The following ERG variants were observed in gnomAD, a reference collection of about 807,000 sequenced individuals.
The protein encoded by ERG is transcriptional regulator ERG.
A neutral mutation model predicts 55.3 loss-of-function variants in ERG; 9 were observed. The ratio of observed to expected loss-of-function variants is 0.16; its 90% CI spans 0.10 to 0.28. ERG has a LOEUF of 0.28. Ranked by LOEUF, ERG falls within the 10% of genes least tolerant of loss-of-function variation. The probability of loss-of-function intolerance (pLI) is 1.00; values close to 1 mark genes in which losing one functional copy is unlikely to be tolerated. For missense variants in ERG, 434 were observed against 631.6 expected (o/e 0.69, Z 3.35); for synonymous variants, 223 against 237.3 (o/e 0.94, Z 0.55).
Position 38,383,900 on chromosome 21 carries a change from G to A in ERG, c.943C>T (p.Gln315Ter), listed in dbSNP as rs2146413060. 6.2e-7 allele frequency: 1 copy of A among 1,613,562 alleles called. No homozygotes were observed. The highest frequency in any genetic ancestry group is 8.5e-7 in the Non-Finnish European group (1 of 1,179,890). Residue 315 changes from glutamine to a stop codon, truncating the protein, a stop_gained, in exon 10 of 10, where the codon CAG becomes TAG. Coordinates refer to ENST00000288319, the MANE Select transcript of ERG (RefSeq NM_182918.4). LOFTEE classifies it high-confidence loss of function. The surrounding 1 kb of genome is among the most constrained non-coding windows in gnomAD (Gnocchi z 5.7). Reference sequence around the variant, plus strand: ...TCCGACAGGAGCTCCAGGAGGAACTGCCAAAGCTGGATCTGGCCACTGCCT... The same window carrying A: ...TCCGACAGGAGCTCCAGGAGGAACTACCAAAGCTGGATCTGGCCACTGCCT... ...NPGSGQIQLW[Q>*]FLLELLSDSS...
intron 6 of ERG, among the ~76,000 whole-genome samples, chr21:38,396,932 T>A (rs781389806): frequency 8.6e-5 from 13 of 151,900 alleles, no homozygotes; most frequent in Non-Finnish European, 1.6e-4. Flanking sequence ...TATATATATT[T>A]AAAAAATCAT....
chr21:38,464,366 A>G (rs1883473568), intron 1 of ERG, among the ~76,000 whole-genome samples: 1 of 152,186 alleles, frequency 6.6e-6, no homozygotes, highest in Admixed American at 6.5e-5. Flanking sequence ...TAGTACCCAG[A>G]GAGTAACAGC....
intron 1 of ERG, among the ~76,000 whole-genome samples, chr21:38,456,393 T>C (rs1020167470): frequency 6.6e-6 from 1 of 152,164 alleles, no homozygotes; most frequent in Non-Finnish European, 1.5e-5. Context: ...CATGGGAATA[T>C]GGCATCTGTT....
intron 1 of ERG, among the ~76,000 whole-genome samples, chr21:38,462,794 G>T (rs1326147637): frequency 2.0e-5 from 3 of 152,150 alleles, no homozygotes; most frequent in Admixed American, 1.3e-4. Flanking sequence ...GAAGCAGGCT[G>T]CCCATCATGA....
intron 1 of ERG, among the ~76,000 whole-genome samples, chr21:38,625,659 A>G (rs1395134800): frequency 1.3e-5 from 2 of 152,180 alleles, no homozygotes; most frequent in Non-Finnish European, 2.9e-5. Context: ...GCTTCCAGGA[A>G]GTCCCAAGCC....
chr21:38,429,653 A>G lies in ERG; in HGVS notation c.237-6092T>C, dbSNP rs910992764. Among the ~76,000 whole-genome samples, 2 of 149,850 alleles carry G rather than the reference A, an allele frequency of 1.3e-5. 1 individual carries two copies. Among genetic ancestry groups the G allele is most frequent in the Non-Finnish European group, 2.9e-5 (2 of 67,806 alleles). ...TGTATATATACATGTATACACATGT[A>G]CATATATACATATATGTGTATATAT... On this transcript the variant is annotated intron_variant, in intron 2 of 9. Transcript: ENST00000288319.
At chr21:38,551,755 C>G (rs2059825797) in intron 2 of ERG, among the ~76,000 whole-genome samples, 1 of 151,992 alleles carries the variant, frequency 6.6e-6, no homozygotes, top group Admixed American at 6.6e-5. Flanking sequence ...TGTTTTATAG[C>G]CAAGTGCGTA....
intron 1 of ERG, among the ~76,000 whole-genome samples, chr21:38,476,563 C>T (rs902086913): frequency 6.6e-6 from 1 of 152,104 alleles, no homozygotes; most frequent in Admixed American, 6.6e-5. Flanking sequence ...GAAGTCTTGT[C>T]GGAAATGAGA....
At chr21:38,630,891 T>C (rs966953835) in intron 1 of ERG, among the ~76,000 whole-genome samples, 8 of 152,154 alleles carry the variant, frequency 5.3e-5, no homozygotes, top group Non-Finnish European at 7.3e-5. Flanking sequence ...ATTCACCATA[T>C]ACCCTCAGGA....
rs764440592 is a variant in ERG at position 38,599,034 on chromosome 21, CA to C, written c.-149-14090del. Among the ~76,000 whole-genome samples, 12 of 152,224 alleles carry C rather than the reference CA, an allele frequency of 7.9e-5. No homozygotes were observed. The East Asian group carries it at 1.9e-3, about 25-fold the overall frequency. On this transcript the variant is annotated intron_variant, in intron 1 of 10. Coordinates refer to the ERG transcript ENST00000398910. ...ACCTCAAGGCCAGTGAGGGAAGCTT[CA>C]AAAAAACCATTTAGGCTGCCTCCAA...
At chr21:38,514,275 G>T (rs1178014683) in intron 2 of ERG, among the ~76,000 whole-genome samples, 1 of 150,464 alleles carries the variant, frequency 6.6e-6, no homozygotes, top group East Asian at 1.9e-4. Flanking sequence ...TAAAAGAAAA[G>T]AAAGCTTGAT....
chr21:38,437,981 C>T (rs1051097530), intron 2 of ERG, among the ~76,000 whole-genome samples: 7 of 152,170 alleles, frequency 4.6e-5, no homozygotes, highest in Admixed American at 3.3e-4. Context: ...AGTCAAAGTC[C>T]GGCAATGGCC....
intron 2 of ERG, among the ~76,000 whole-genome samples, chr21:38,550,460 G>A (rs2059817124): frequency 6.6e-6 from 1 of 152,228 alleles, no homozygotes; most frequent in Non-Finnish European, 1.5e-5. Flanking sequence ...TAGGTCATAA[G>A]GATGGAGGTC....
At chr21:38,405,182 T>C (rs538282041) in intron 3 of ERG, among the ~76,000 whole-genome samples, 12 of 152,340 alleles carry the variant, frequency 7.9e-5, no homozygotes, top group African/African-American at 2.2e-4. Context: ...CTCCTATACA[T>C]ATTTTAATAT....
chr21:38,422,925 G>A (rs555453818), intron 3 of ERG, among the ~76,000 whole-genome samples: 3 of 152,100 alleles, frequency 2.0e-5, no homozygotes, highest in Non-Finnish European at 4.4e-5. Context: ...CCTCATGAAG[G>A]ACAGGATATT....
At chr21:38,628,415 A>C (rs2060338177) in intron 1 of ERG, among the ~76,000 whole-genome samples, 1 of 152,242 alleles carries the variant, frequency 6.6e-6, no homozygotes, top group Admixed American at 6.5e-5. Flanking sequence ...CCACATGAGC[A>C]TTAATGACTG....
chr21:38,391,776 T>C (rs1987984092), intron 7 of ERG, 61 bp from the exon 8 acceptor site: 2 of 1,294,668 alleles, frequency 1.5e-6, no homozygotes, highest in African/African-American at 2.9e-5. Context: ...TAGTCTTTGA[T>C]GTTGTTGCAT....
chr21:38,566,401 A>G (rs1218598821), intron 2 of ERG, among the ~76,000 whole-genome samples: 3 of 152,112 alleles, frequency 2.0e-5, no homozygotes, highest in South Asian at 2.1e-4. Context: ...TCAACCCCCA[A>G]TTGCACAGAC....
intron 1 of ERG, among the ~76,000 whole-genome samples, chr21:38,488,763 T>G (rs1029531621): frequency 6.6e-6 from 1 of 152,206 alleles, no homozygotes; most frequent in Non-Finnish European, 1.5e-5. Flanking sequence ...TATAAAAACA[T>G]TCGAATTATG....
Sources: allele counts gnomAD v4.1 joint callset (sites outside exome capture counted in the v4.1 genomes callset), GRCh38; gene constraint gnomAD v4.1.1; non-coding constraint Gnocchi (gnomAD v3.1); transcripts MANE v1.5; gene names NCBI Gene and HGNC (gene_info 2026-07-23, HGNC 2026-07-21).